The following UGT2B11 variants were observed in gnomAD, a reference collection of about 807,000 sequenced individuals.
The protein encoded by UGT2B11 is UDP glucuronosyltransferase family 2 member B11.
A neutral mutation model predicts 51.7 loss-of-function variants in UGT2B11; 49 were observed. The ratio of observed to expected loss-of-function variants is 0.95; its 90% CI spans 0.75 to 1.20. The LOEUF (loss-of-function observed/expected upper bound fraction) is 1.20. Among genes scored for constraint, UGT2B11 ranks in the 50% most tolerant of loss-of-function variants. UGT2B11 has a pLI of 0.00. For missense variants in UGT2B11, 810 were observed against 622.1 expected (o/e 1.30, Z -3.21); for synonymous variants, 273 against 209.0 (o/e 1.31, Z -2.64).
chr4:69,207,474 T>C (rs1347812979), intron 3 of UGT2B11, among the ~76,000 whole-genome samples: 1 of 151,642 alleles, frequency 6.6e-6, no homozygotes, highest in Non-Finnish European at 1.5e-5. Flanking sequence ...ATTCCTACTA[T>C]GTTCTATGGA....
At position 69,212,677 on chromosome 4, in the gene UGT2B11, A is replaced by T; in HGVS notation, c.766T>A (p.Trp256Arg). ...LFETMGKADI[W>R]LMRNSWSFQF... ...AAACTCCAGGAGTTTCGCATAAGCCATATGTCAGCTTTTCCCATTGTCTCA... is the reference window on the plus strand; with the variant it reads ...AAACTCCAGGAGTTTCGCATAAGCCTTATGTCAGCTTTTCCCATTGTCTCA... The change falls in exon 2 of 6, where the codon TGG becomes AGG. Residue 256 changes from tryptophan (W) to arginine (R), a missense_variant. Transcript: ENST00000446444. 2.5e-6 allele frequency: 4 copies of T among 1,610,014 alleles called. No individual in the cohort carries two copies. Among genetic ancestry groups the T allele is most frequent in the East Asian group, 2.2e-5 (1 of 44,722 alleles).
chr4:69,209,892 A>G (rs1721994942), intron 2 of UGT2B11, among the ~76,000 whole-genome samples: 1 of 151,642 alleles, frequency 6.6e-6, no homozygotes, highest in South Asian at 2.1e-4. Context: ...TATAAAAATA[A>G]TACAAAATTA....
chr4:69,211,867 C>A (rs528494992), intron 2 of UGT2B11, among the ~76,000 whole-genome samples: 8 of 151,562 alleles, frequency 5.3e-5, no homozygotes, highest in Middle Eastern at 3.4e-3. Context: ...TTTCAATACT[C>A]TTAAGAAATA....
chr4:69,223,812 C>A, the UGT2B11 span, among the ~76,000 whole-genome samples: 2 of 152,184 alleles, frequency 1.3e-5, no homozygotes, highest in African/African-American at 4.8e-5. Context: ...TGTGTCCCAA[C>A]TGACTATATT....
chr4:69,208,568 A>G (rs1295058153), intron 2 of UGT2B11, 86 bp from the exon 3 acceptor site: 2 of 1,546,520 alleles, frequency 1.3e-6, no homozygotes, highest in Admixed American at 2.2e-5. Context: ...TTAAAGAGAG[A>G]AAATCAAGTA....
chr4:69,213,931 C>T (rs1193192379), intron 1 of UGT2B11, 71 bp downstream of exon 1: 1 of 1,481,080 alleles, frequency 6.8e-7, no homozygotes, highest in African/African-American at 1.4e-5. Flanking sequence ...GACTTTATGG[C>T]TTTATAAAAG....
intron 5 of UGT2B11, among the ~76,000 whole-genome samples, chr4:69,202,590 G>T (rs1200909593): frequency 6.6e-6 from 1 of 151,562 alleles, no homozygotes; most frequent in Admixed American, 6.6e-5. Flanking sequence ...ACATACATGT[G>T]TATTGTATAT....
At chr4:69,206,579 AAGTTTACCT>A (rs138366934) in intron 3 of UGT2B11, among the ~76,000 whole-genome samples, 3,423 of 151,710 alleles carry the variant, frequency 0.023, 63 homozygotes, top group Middle Eastern at 0.088. Context: ...CCCATGACAC[AAGTTTACCT>A]ATGTAAAAAA....
chr4:69,209,158 G>A (rs1355108875), intron 2 of UGT2B11, among the ~76,000 whole-genome samples: 1 of 151,726 alleles, frequency 6.6e-6, no homozygotes, highest in Non-Finnish European at 1.5e-5. Flanking sequence ...TTATGAATCA[G>A]TCTTGGGAGT....
chr4:69,206,748 C>T (rs1721874309), intron 3 of UGT2B11, among the ~76,000 whole-genome samples: 2 of 151,368 alleles, frequency 1.3e-5, no homozygotes, highest in East Asian at 2.0e-4. Context: ...TAGTAATGAC[C>T]TGTATGTTTG....
rs773403008 is a variant in UGT2B11 at position 69,204,621 on chromosome 4, A to C, written c.1119T>G (p.Thr373=). ...CATAGATGCCATTGGCTCCACCATG[A>C]GTTATAAAAGCTCTGGTTTTTGGAT... The part of the protein sequence containing the change: ...LGHPKTRAFI[T]HGGANGIYEA... Residue 373 remains threonine (T), a synonymous_variant, in exon 5 of 6, where the codon ACT becomes ACG. Transcript: ENST00000446444. 24 of 1,611,934 alleles carry C rather than the reference A, an allele frequency of 1.5e-5. No homozygotes were observed. Among genetic ancestry groups the C allele is most frequent in the Non-Finnish European group, 2.0e-5 (24 of 1,178,640 alleles).
Position 69,200,312 on chromosome 4 carries a change from ATTT to A in UGT2B11, c.*125_*127del, listed in dbSNP as rs11340393. 0.03 allele frequency: 23,869 copies of A among 801,260 alleles called. No homozygotes were observed. The highest frequency in any genetic ancestry group is 0.045 in the East Asian group (825 of 18,148). The allele number at this position is 801,260 out of a possible 1,614,324, so 49.6% of individuals were successfully genotyped here. A position where few individuals can be genotyped will look rare whatever the true frequency, so the allele number is the denominator to read the frequency against. Reference sequence around the variant, plus strand: ...TTTACTTGACAAGGTAGATTTGAAAATTTTTTTTTTTTTTTTTTTTTTGTCACA... The same window carrying A: ...TTTACTTGACAAGGTAGATTTGAAAATTTTTTTTTTTTTTTTTTTGTCACA... On this transcript the variant is annotated 3_prime_UTR_variant, in exon 6 of 6. Coordinates refer to ENST00000446444, the MANE Select transcript of UGT2B11 (RefSeq NM_001073.3).
the UGT2B11 span, among the ~76,000 whole-genome samples, chr4:69,224,653 A>G: frequency 1.3e-5 from 2 of 152,062 alleles, no homozygotes; most frequent in East Asian, 3.9e-4. Flanking sequence ...CTGGTTCACC[A>G]AAAATGTAAT....
chr4:69,211,475 A>G (rs1722062671), intron 2 of UGT2B11, among the ~76,000 whole-genome samples: 5 of 151,646 alleles, frequency 3.3e-5, no homozygotes, highest in Non-Finnish European at 7.4e-5. Flanking sequence ...GAGGAATGAT[A>G]TCTCAAGTGA....
At position 69,208,176 on chromosome 4, in the gene UGT2B11, C is replaced by A. The variant is rs546956298; in HGVS notation, c.1002+175G>T. Among the ~76,000 whole-genome samples, 4 of 151,662 alleles carry A rather than the reference C, an allele frequency of 2.6e-5. No individual in the cohort carries two copies. The East Asian group carries it at 7.8e-4, about 30-fold the overall frequency. Reference sequence around the variant, plus strand: ...GTAACTCCCCCAGGGCCACATGTAACCACTAAGTCTGAGGCACAACTATTA... The same window carrying A: ...GTAACTCCCCCAGGGCCACATGTAAACACTAAGTCTGAGGCACAACTATTA... On this transcript the variant is annotated intron_variant, in intron 3 of 5. Transcript: ENST00000446444.
intron 5 of UGT2B11, among the ~76,000 whole-genome samples, chr4:69,202,204 T>C (rs1209178047): frequency 6.6e-6 from 1 of 151,698 alleles, no homozygotes; most frequent in Non-Finnish European, 1.5e-5. Context: ...TTGCTAACAA[T>C]TTTTGGACAC....
upstream of UGT2B11, chr4:69,214,931 A>T (rs1577968122): frequency 3.3e-5 from 25 of 756,012 alleles, no homozygotes; most frequent in East Asian, 7.3e-4. Context: ...TTATGTTTAT[A>T]TTCACTGTCA....
chr4:69,210,680 T>C (rs540884563), intron 2 of UGT2B11, among the ~76,000 whole-genome samples: 15 of 151,688 alleles, frequency 9.9e-5, no homozygotes, highest in African/African-American at 3.6e-4. Context: ...AAGAGTAATG[T>C]AGAGTGACAT....
chr4:69,209,409 G>A (rs1560539142), intron 2 of UGT2B11, among the ~76,000 whole-genome samples: 1 of 151,664 alleles, frequency 6.6e-6, no homozygotes, highest in Non-Finnish European at 1.5e-5. Flanking sequence ...TCTCTTTTGA[G>A]TAGCTCACAC....
Sources: gnomAD v4.1 joint callset for allele counts (sites outside exome capture counted in the v4.1 genomes callset) on GRCh38, gnomAD v4.1.1 for gene constraint, MANE v1.5 for transcripts, NCBI Gene and HGNC (gene_info 2026-07-23, HGNC 2026-07-21) for gene names.